Variants in DAB1 observed in about 807,000 individuals in gnomAD.
The protein encoded by DAB1 is disabled homolog 1.
Under a neutral mutation model 64.6 loss-of-function variants are expected in DAB1, and 15 were observed. The observed-to-expected ratio is 0.23, with a 90% CI of 0.16 to 0.36. DAB1 has a LOEUF of 0.36. Among genes scored for constraint, DAB1 ranks in the 10% least tolerant of loss-of-function variants. The pLI is 1.00. For missense variants in DAB1, 596 were observed against 706.7 expected (o/e 0.84, Z 1.78); for synonymous variants, 235 against 251.9 (o/e 0.93, Z 0.64).
intron 6 of DAB1, among the ~76,000 whole-genome samples, chr1:57,778,971 C>T (rs1240556075): frequency 6.6e-6 from 1 of 151,804 alleles, no homozygotes; most frequent in Non-Finnish European, 1.5e-5. Context: ...CTTCACTCCA[C>T]AAATATTCTA....
At chr1:58,530,653 G>A (rs182331631) in intron 1 of DAB1, 15 of 872,558 alleles carry the variant, frequency 1.7e-5, no homozygotes, top group Non-Finnish European at 2.4e-5. Context: ...GCTATCTCGA[G>A]GACAAATGGC....
chr1:57,546,987 A>G (rs1644862609), intron 7 of DAB1, among the ~76,000 whole-genome samples: 1 of 152,116 alleles, frequency 6.6e-6, no homozygotes, highest in Admixed American at 6.6e-5. Context: ...AAGCATATTA[A>G]TCGTATTTTT....
intron 7 of DAB1, among the ~76,000 whole-genome samples, chr1:57,597,012 A>G (rs1042246047): frequency 6.6e-6 from 1 of 152,186 alleles, no homozygotes; most frequent in East Asian, 1.9e-4. Context: ...GACTTCCTGC[A>G]TAAATTAGCC....
At chr1:58,534,369 A>G (rs764722422) in intron 1 of DAB1, 1 of 797,988 alleles carries the variant, frequency 1.3e-6, no homozygotes, top group Admixed American at 2.3e-5. Context: ...TTAAAAGAGC[A>G]CTACAAAATG....
At chr1:57,572,283 G>C (rs1025021773) in intron 7 of DAB1, among the ~76,000 whole-genome samples, 1 of 152,128 alleles carries the variant, frequency 6.6e-6, no homozygotes, top group Non-Finnish European at 1.5e-5. Flanking sequence ...GACTAGCTGT[G>C]GGATCTTGAG....
At chr1:57,911,582 G>A (rs781106390) in intron 5 of DAB1, among the ~76,000 whole-genome samples, 4 of 152,052 alleles carry the variant, frequency 2.6e-5, no homozygotes, top group Admixed American at 6.6e-5. Context: ...GCACCCCATC[G>A]GACCTCAGCT....
intron 7 of DAB1, among the ~76,000 whole-genome samples, chr1:57,450,181 C>G (rs149132749): frequency 7.2e-5 from 11 of 152,298 alleles, no homozygotes; most frequent in African/African-American, 1.9e-4. Context: ...ATGTAAAAGA[C>G]TATGGTAGAG....
chr1:57,781,118 CTCTCTCTCTATATATATATATATATATA>C (rs1156355154), intron 6 of DAB1, among the ~76,000 whole-genome samples: 1,436 of 54,296 alleles, frequency 0.026, 9 homozygotes, highest in East Asian at 0.055. Context: ...CTCTCTCTCT[CTCTCTCTCTATATATATATATATATATA>C]TATATATATA....
chr1:58,425,942 G>C (rs724565), intron 3 of DAB1, among the ~76,000 whole-genome samples: 2 of 151,694 alleles, frequency 1.3e-5, no homozygotes, highest in African/African-American at 4.9e-5. Flanking sequence ...GGTGGTGGAA[G>C]GTAGGGTTAG....
chr1:58,184,715 A>T (rs190882163), intron 4 of DAB1, among the ~76,000 whole-genome samples: 413 of 152,316 alleles, frequency 2.7e-3, no homozygotes, highest in Non-Finnish European at 4.6e-3. Context: ...TGTTCTGGGG[A>T]GGTCCACATT....
intron 7 of DAB1, among the ~76,000 whole-genome samples, chr1:57,638,893 A>G (rs2101638474): frequency 6.6e-6 from 1 of 152,100 alleles, no homozygotes; most frequent in Non-Finnish European, 1.5e-5. Flanking sequence ...TGGGGATGGA[A>G]AGAGAGGGTT....
intron 5 of DAB1, among the ~76,000 whole-genome samples, chr1:58,092,569 C>T (rs1010631327): frequency 2.6e-5 from 4 of 152,188 alleles, no homozygotes; most frequent in Non-Finnish European, 5.9e-5. Context: ...CCCCAGCAGA[C>T]TTCCAGGTCC....
At chr1:58,349,577 T>G (rs1441424596) in intron 3 of DAB1, among the ~76,000 whole-genome samples, 2 of 152,174 alleles carry the variant, frequency 1.3e-5, no homozygotes, top group East Asian at 1.9e-4. Flanking sequence ...TCATCTACAT[T>G]AGGCATTTCT....
intron 4 of DAB1, among the ~76,000 whole-genome samples, chr1:57,115,834 A>G (rs918189050): frequency 1.3e-5 from 2 of 152,168 alleles, no homozygotes; most frequent in Non-Finnish European, 2.9e-5. Flanking sequence ...TCAAAAGAAT[A>G]GAGTTCTTGT....
Position 58,227,547 on chromosome 1 carries a change from A to G in DAB1, n.310-76959T>C, listed in dbSNP as rs141378299. Among the ~76,000 whole-genome samples, 345 of 152,322 alleles carry G rather than the reference A, an allele frequency of 2.3e-3. 6 individuals carry two copies. Among genetic ancestry groups the G allele is most frequent in the African/African-American group, 7.7e-3 (319 of 41,572 alleles). Reference sequence around the variant, plus strand: ...CACTCTCCTCCAGCCCCACACCCACAGCACTCTGAGGTTTCTTTGTTCTCC... The same window carrying G: ...CACTCTCCTCCAGCCCCACACCCACGGCACTCTGAGGTTTCTTTGTTCTCC... On this transcript the variant is annotated intron_variant and non_coding_transcript_variant, in intron 4 of 20. Coordinates refer to the DAB1 transcript ENST00000485760.
intron 3 of DAB1, among the ~76,000 whole-genome samples, chr1:58,430,868 C>T (rs1277390975): frequency 6.6e-6 from 1 of 152,168 alleles, no homozygotes; most frequent in Non-Finnish European, 1.5e-5. Flanking sequence ...TCAGTGTGAG[C>T]GAGAGCAAGC....
chr1:57,388,726 C>T (rs1293212309), intron 1 of DAB1, among the ~76,000 whole-genome samples: 1 of 152,224 alleles, frequency 6.6e-6, no homozygotes, highest in Non-Finnish European at 1.5e-5. Context: ...GCTCAGCTTT[C>T]TATTCTCACA....
At chr1:57,146,227 A>T (rs1659119040) in intron 2 of DAB1, among the ~76,000 whole-genome samples, 2 of 152,220 alleles carry the variant, frequency 1.3e-5, no homozygotes, top group South Asian at 4.1e-4. Context: ...CATTTTCCAG[A>T]TGATGAAGTC....
chr1:57,043,160 T>C (rs768764543), intron 9 of DAB1, among the ~76,000 whole-genome samples: 3 of 152,328 alleles, frequency 2.0e-5, no homozygotes, highest in Non-Finnish European at 2.9e-5. Flanking sequence ...TAGTCTTCGC[T>C]ACTGAAAGTC....
Sources: allele counts gnomAD v4.1 joint callset (sites outside exome capture counted in the v4.1 genomes callset), GRCh38; gene constraint gnomAD v4.1.1; transcripts MANE v1.5; gene names NCBI Gene and HGNC (gene_info 2026-07-23, HGNC 2026-07-21).